The following MAGI2 variants were observed in gnomAD, a reference collection of about 807,000 sequenced individuals.
MAGI2 encodes membrane associated guanylate kinase, WW and PDZ domain containing 2.
MAGI2 carries 35 observed loss-of-function variants against 133.3 expected under a neutral mutation model. That is an observed-to-expected ratio of 0.26 (90% CI 0.20 to 0.35). MAGI2 has a LOEUF of 0.35. Among genes scored for constraint, MAGI2 ranks in the 10% least tolerant of loss-of-function variants. The probability of loss-of-function intolerance (pLI) is 1.00; values close to 1 mark genes in which losing one functional copy is unlikely to be tolerated. For synonymous variants in MAGI2, 729 were observed against 710.6 expected (o/e 1.03, Z -0.41); for missense variants, 1,636 against 1,863.4 (o/e 0.88, Z 2.25).
chr7:78,902,031 A>G (rs1376952570), intron 2 of MAGI2, among the ~76,000 whole-genome samples: 4 of 152,216 alleles, frequency 2.6e-5, no homozygotes, highest in Non-Finnish European at 5.9e-5. Flanking sequence ...TGGAAACTTT[A>G]TAGGAAGTGT....
chr7:79,172,984 C>G (rs1356292356), intron 1 of MAGI2: 1 of 151,828 alleles, frequency 6.6e-6, no homozygotes, highest in Non-Finnish European at 1.5e-5. Context: ...CATATGTTTA[C>G]AGTAAGTATT....
intron 1 of MAGI2, among the ~76,000 whole-genome samples, chr7:79,118,838 T>C (rs541693038): frequency 1.1e-4 from 17 of 151,824 alleles, no homozygotes; most frequent in Admixed American, 3.3e-4. Context: ...ATTGCTTCTT[T>C]ATATATATCA....
intron 1 of MAGI2, among the ~76,000 whole-genome samples, chr7:79,047,373 A>C (rs1219601718): frequency 6.6e-6 from 1 of 152,132 alleles, no homozygotes; most frequent in East Asian, 1.9e-4. Flanking sequence ...TAAATGAAAT[A>C]TCTACACAAT....
chr7:79,108,106 G>A (rs1818592694), intron 1 of MAGI2, among the ~76,000 whole-genome samples: 1 of 152,314 alleles, frequency 6.6e-6, no homozygotes, highest in South Asian at 2.1e-4. Flanking sequence ...GGATGTGAAT[G>A]ACTCCTGAGA....
chr7:78,127,915 A>C (rs1338738459), intron 18 of MAGI2, among the ~76,000 whole-genome samples: 3 of 152,188 alleles, frequency 2.0e-5, no homozygotes, highest in Non-Finnish European at 4.4e-5. Context: ...TACACAATCA[A>C]AGGCTATTTT....
chr7:78,405,578 C>T, intron 6 of MAGI2, among the ~76,000 whole-genome samples: 1 of 151,990 alleles, frequency 6.6e-6, no homozygotes, highest in East Asian at 1.9e-4. Context: ...ACTAGAGATA[C>T]CTAAGCAATT....
chr7:78,728,843 G>C (rs184266576), intron 2 of MAGI2, among the ~76,000 whole-genome samples: 1,540 of 124,546 alleles, frequency 0.012, 76 homozygotes, highest in African/African-American at 0.04. Context: ...GGGATTACAG[G>C]CGTGAGCCAC....
Position 79,448,735 on chromosome 7 carries a change from T to C in MAGI2, c.301+4285A>G, listed in dbSNP as rs535203748. On this transcript the variant is annotated intron_variant, in intron 1 of 21. Coordinates refer to ENST00000354212, the MANE Select transcript of MAGI2 (RefSeq NM_012301.4). The stretch of plus-strand genomic sequence containing the variant: ...ACTATAATCAATCAGAGATGTCAAA[T>C]GTGAATATGCTTTTCTCATTATGAA... Among the ~76,000 whole-genome samples the C allele has an allele frequency of 6.6e-5, 10 of 152,234 alleles. No individual in the cohort carries two copies. The East Asian group carries it at 1.7e-3, about 26-fold the overall frequency.
Position 78,519,594 on chromosome 7 carries a change from ACCT to A in MAGI2, c.754+1833_754+1835del, listed in dbSNP as rs767290968. ...TCCAGTTTCTCTGGGGGTGATGAAGACCTCCTAACCATAAAAGCACATCATCCT... is the reference window on the plus strand; with the variant it reads ...TCCAGTTTCTCTGGGGGTGATGAAGACCTAACCATAAAAGCACATCATCCT... On this transcript the variant is annotated intron_variant, in intron 4 of 21. Coordinates refer to ENST00000354212, the MANE Select transcript of MAGI2 (RefSeq NM_012301.4). Among the ~76,000 whole-genome samples the A allele has an allele frequency of 6.2e-4, 95 of 152,170 alleles. 1 individual carries two copies. The highest frequency in any genetic ancestry group is 9.3e-4 in the Non-Finnish European group (63 of 67,998).
At chr7:78,994,925 G>T (rs1806137979) in intron 2 of MAGI2, among the ~76,000 whole-genome samples, 2 of 151,994 alleles carry the variant, frequency 1.3e-5, no homozygotes, top group South Asian at 4.1e-4. Flanking sequence ...GGACTCTTAT[G>T]AACACCTATT....
At chr7:78,961,518 A>T (rs376940230) in intron 2 of MAGI2, among the ~76,000 whole-genome samples, 1 of 152,160 alleles carries the variant, frequency 6.6e-6, no homozygotes, top group Non-Finnish European at 1.5e-5. Flanking sequence ...CTCCAGTGAC[A>T]AAAAGAAAAA....
At chr7:79,169,925 T>C (rs912243678) in intron 1 of MAGI2, among the ~76,000 whole-genome samples, 12 of 151,852 alleles carry the variant, frequency 7.9e-5, no homozygotes, top group Non-Finnish European at 1.5e-4. Context: ...CCATAAATAC[T>C]CATCAATTGT....
intron 1 of MAGI2, among the ~76,000 whole-genome samples, chr7:79,443,092 TA>T (rs1054745838): frequency 2.0e-5 from 3 of 152,060 alleles, no homozygotes; most frequent in Admixed American, 2.0e-4. Context: ...GCCAACATGG[TA>T]AAACCCCATC....
At chr7:78,825,507 T>C (rs553159400) in intron 2 of MAGI2, among the ~76,000 whole-genome samples, 35 of 152,334 alleles carry the variant, frequency 2.3e-4, no homozygotes, top group African/African-American at 7.5e-4. Flanking sequence ...ATTTCTCATT[T>C]GTGACATCAT....
rs562422501 is a variant in MAGI2 at position 79,075,613 on chromosome 7, A to C, written c.302-68407T>G. ...CCATCTCTACAAAAAATATATAAAA[A>C]TTAGCCATGCATGGTGGTGTGTGCC... is the stretch of plus-strand genomic sequence containing the variant. On this transcript the variant is annotated intron_variant, in intron 1 of 21. Transcript: ENST00000354212. Among the ~76,000 whole-genome samples, 170 of 152,166 alleles carry C rather than the reference A, an allele frequency of 1.1e-3. 1 individual carries two copies. The highest frequency in any genetic ancestry group is 4.0e-3 in the African/African-American group (166 of 41,526).
intron 2 of MAGI2, among the ~76,000 whole-genome samples, chr7:79,001,148 C>A (rs192903396): frequency 6.6e-6 from 1 of 152,158 alleles, no homozygotes; most frequent in Non-Finnish European, 1.5e-5. Flanking sequence ...ATCTCTTGAC[C>A]TTGTGATCCT....
At chr7:78,337,829 T>C (rs1026235120) in intron 9 of MAGI2, among the ~76,000 whole-genome samples, 3 of 152,170 alleles carry the variant, frequency 2.0e-5, no homozygotes, top group Admixed American at 2.0e-4. Context: ...GGCTATACTG[T>C]AAAAGAGGAA....
chr7:79,293,398 C>T (rs139772696), intron 1 of MAGI2, among the ~76,000 whole-genome samples: 3 of 152,218 alleles, frequency 2.0e-5, no homozygotes, highest in African/African-American at 4.8e-5. Flanking sequence ...TATTGTCTAG[C>T]TTCTTACCTA....
rs146814861 is a variant in MAGI2 at position 78,305,246 on chromosome 7, C to G, written c.1408+38532G>C. Among the ~76,000 whole-genome samples, 312 of 152,188 alleles carry G rather than the reference C, an allele frequency of 2.1e-3. 1 individual carries two copies. Among genetic ancestry groups the G allele is most frequent in the African/African-American group, 7.3e-3 (303 of 41,502 alleles). On this transcript the variant is annotated intron_variant, in intron 9 of 21. Transcript: ENST00000354212. ...CAGCTCTGTCTTTCAAAAAGCCTAC[C>G]CTTCAGGACACTCCAATGCTACTGC...
Sources: allele counts gnomAD v4.1 joint callset (sites outside exome capture counted in the v4.1 genomes callset), GRCh38; gene constraint gnomAD v4.1.1; transcripts MANE v1.5; gene names NCBI Gene and HGNC (gene_info 2026-07-23, HGNC 2026-07-21).